Variants in DLC1 observed in about 807,000 individuals in gnomAD.
DLC1 encodes DLC1 Rho GTPase activating protein.
Under a neutral mutation model 140.3 loss-of-function variants are expected in DLC1, and 54 were observed. That is an observed-to-expected ratio of 0.38 (90% CI 0.31 to 0.48). The LOEUF (loss-of-function observed/expected upper bound fraction) is 0.48. Among genes scored for constraint, DLC1 ranks in the 20% least tolerant of loss-of-function variants. The pLI, the probability that DLC1 is intolerant of heterozygous loss-of-function variation, is 0.96. For synonymous variants in DLC1, 986 were observed against 728.1 expected, an observed-to-expected ratio of 1.35 and a Z score of -5.70; for missense variants, 2,536 against 1,907.0, an observed-to-expected ratio of 1.33 and a Z score of -6.14.
chr8:13,321,472 A>G (rs1194666182), intron 4 of DLC1, among the ~76,000 whole-genome samples: 1 of 136,646 alleles, frequency 7.3e-6, no homozygotes, highest in Non-Finnish European at 1.5e-5. Context: ...CAGGAGGCAG[A>G]AGTTGCAGTG....
chr8:13,121,459 C>T (rs985541728), intron 5 of DLC1, among the ~76,000 whole-genome samples: 7 of 152,178 alleles, frequency 4.6e-5, no homozygotes, highest in Admixed American at 1.3e-4. Flanking sequence ...CTGGGAGAAG[C>T]AAATCACGAC....
intron 1 of DLC1, among the ~76,000 whole-genome samples, chr8:13,553,615 A>C (rs1803940119): frequency 1.3e-5 from 2 of 151,868 alleles, no homozygotes; most frequent in Admixed American, 1.3e-4. Flanking sequence ...AGCCTCCCAA[A>C]GTGCTTGGAT....
At chr8:13,143,151 C>T (rs1563678682) in intron 5 of DLC1, among the ~76,000 whole-genome samples, 1 of 151,906 alleles carries the variant, frequency 6.6e-6, no homozygotes, top group Non-Finnish European at 1.5e-5. Flanking sequence ...TATCTGTATC[C>T]ATCAGTTAGA....
intron 4 of DLC1, among the ~76,000 whole-genome samples, chr8:13,310,845 T>G (rs1364147947): frequency 1.3e-5 from 2 of 152,218 alleles, no homozygotes; most frequent in African/African-American, 2.4e-5. Context: ...CTCTTCTTGA[T>G]GGAGAGGGAT....
chr8:13,326,417 A>G (rs928815484), intron 4 of DLC1, among the ~76,000 whole-genome samples: 3 of 152,180 alleles, frequency 2.0e-5, no homozygotes, highest in African/African-American at 7.2e-5. Context: ...TACATATACA[A>G]CATTACGTAT....
intron 2 of DLC1, among the ~76,000 whole-genome samples, chr8:13,456,532 C>G (rs1336542242): frequency 1.3e-5 from 2 of 152,068 alleles, no homozygotes; most frequent in Admixed American, 1.3e-4. Context: ...GATCCCAGCT[C>G]CCTGCAACTC....
At position 13,355,063 on chromosome 8, in the gene DLC1, C is replaced by A. The variant is rs536721222; in HGVS notation, c.1314+38490G>T. The stretch of plus-strand genomic sequence containing the variant: ...GAGAGTTATAGTCATAATCATCTTA[C>A]TGCACTATCAATTAAAAAATACATC... On this transcript the variant is annotated intron_variant, in intron 4 of 17. Coordinates refer to ENST00000276297, the MANE Select transcript of DLC1 (RefSeq NM_182643.3). 2.6e-5 allele frequency among the ~76,000 whole-genome samples: 4 copies of A among 152,030 alleles called. No homozygotes were observed. In the East Asian group the frequency reaches 7.7e-4, roughly 29 times the overall value.
intron 5 of DLC1, among the ~76,000 whole-genome samples, chr8:13,286,955 G>T (rs186897381): frequency 1.4e-3 from 214 of 152,282 alleles, no homozygotes; most frequent in Non-Finnish European, 2.6e-3. Context: ...TGAGGTGAAG[G>T]TTGAGCACTC....
chr8:13,455,133 C>G (rs1023749353), intron 2 of DLC1, among the ~76,000 whole-genome samples: 1 of 151,958 alleles, frequency 6.6e-6, no homozygotes, highest in Non-Finnish European at 1.5e-5. Context: ...TCATATAAAT[C>G]AAACAAAATG....
At chr8:13,539,796 G>A (rs1011620829) in intron 1 of DLC1, among the ~76,000 whole-genome samples, 1 of 151,464 alleles carries the variant, frequency 6.6e-6, no homozygotes, top group East Asian at 1.9e-4. Flanking sequence ...TAGTTTGAAT[G>A]TTGAGAAAAT....
chr8:13,416,885 A>G (rs1203333514), intron 2 of DLC1, among the ~76,000 whole-genome samples: 1 of 151,722 alleles, frequency 6.6e-6, no homozygotes, highest in Admixed American at 6.6e-5. Context: ...GTGAGAAAAA[A>G]CTTTTTTTTT....
chr8:13,450,216 G>A lies in DLC1; in HGVS notation c.1024-48597C>T, dbSNP rs545282869. On this transcript the variant is annotated intron_variant, in intron 2 of 17. Transcript: ENST00000276297. The stretch of plus-strand genomic sequence containing the variant: ...TGGGTGGTAATCACAGCACTTTGGG[G>A]GGCTGAGGCAGGTGGATCACCTGAG... Among the ~76,000 whole-genome samples, 3 of 151,780 alleles carry A rather than the reference G, an allele frequency of 2.0e-5. 1 individual carries two copies. In the South Asian group the frequency reaches 6.3e-4, roughly 32 times the overall value.
At chr8:13,485,066 C>T (rs539371654) in intron 2 of DLC1, among the ~76,000 whole-genome samples, 1 of 152,300 alleles carries the variant, frequency 6.6e-6, no homozygotes, top group South Asian at 2.1e-4. Flanking sequence ...AATCCCTAGA[C>T]AAGGTTATGA....
Position 13,567,150 on chromosome 8 carries a change from CAAACT to C in DLC1, c.-126+37382_-126+37386del, listed in dbSNP as rs903538310. Reference sequence around the variant, plus strand: ...AGTCCTCGCCCCTGACCTCTGGGAGCAAACTGGAGAGGGAAAAGCAGACTCCAAGC... The same window carrying C: ...AGTCCTCGCCCCTGACCTCTGGGAGCGGAGAGGGAAAAGCAGACTCCAAGC... On this transcript the variant is annotated intron_variant, in intron 1 of 1. Coordinates refer to the DLC1 transcript ENST00000631382. 3 of 1,551,616 alleles carry C rather than the reference CAAACT, an allele frequency of 1.9e-6. No individual in the cohort carries two copies. The African/African-American group carries it at 4.1e-5, about 21-fold the overall frequency.
intron 5 of DLC1, among the ~76,000 whole-genome samples, chr8:13,226,373 T>C (rs1008008210): frequency 1.3e-5 from 2 of 152,254 alleles, no homozygotes; most frequent in African/African-American, 4.8e-5. Context: ...GCATACATGA[T>C]GAATGACACA....
intron 5 of DLC1, among the ~76,000 whole-genome samples, chr8:13,175,154 G>A: frequency 6.6e-6 from 1 of 152,076 alleles, no homozygotes; most frequent in East Asian, 1.9e-4. Flanking sequence ...CTACTTTGTT[G>A]AAGGTCAGAT....
At chr8:13,601,828 C>T (rs1395540210) in intron 1 of DLC1, among the ~76,000 whole-genome samples, 2 of 151,756 alleles carry the variant, frequency 1.3e-5, no homozygotes, top group South Asian at 4.1e-4. Flanking sequence ...AAACACCCTT[C>T]TTTGGTGATT....
intron 1 of DLC1, among the ~76,000 whole-genome samples, chr8:13,550,960 G>T (rs1803824707): frequency 6.6e-6 from 1 of 151,398 alleles, no homozygotes; most frequent in South Asian, 2.1e-4. Flanking sequence ...TTTTTCTCTT[G>T]CAAGAATTCT....
chr8:13,269,832 C>T (rs967160031), intron 5 of DLC1, among the ~76,000 whole-genome samples: 2 of 149,998 alleles, frequency 1.3e-5, no homozygotes, highest in Admixed American at 6.6e-5. Flanking sequence ...CTGAAGCAGG[C>T]GGATCACGAG....
Sources: allele counts gnomAD v4.1 joint callset (sites outside exome capture counted in the v4.1 genomes callset), GRCh38; gene constraint gnomAD v4.1.1; transcripts MANE v1.5; gene names NCBI Gene and HGNC (gene_info 2026-07-23, HGNC 2026-07-21).